ST3GAL4: variants seen among roughly 807,000 people sequenced by gnomAD.
ST3GAL4 encodes ST3 beta-galactoside alpha-2,3-sialyltransferase 4, also known as CMP-N-acetylneuraminate-beta-galactosamide-alpha-2,3-sialyltransferase 4.
A neutral mutation model predicts 42.6 loss-of-function variants in ST3GAL4; 24 were observed. The observed-to-expected ratio is 0.56, with a 90% CI of 0.41 to 0.79. ST3GAL4 has a LOEUF of 0.79. Among genes scored for constraint, ST3GAL4 ranks in the 30% least tolerant of loss-of-function variants. The pLI is 0.00. For missense variants in ST3GAL4, 311 were observed against 430.8 expected (o/e 0.72, Z 2.46); for synonymous variants, 135 against 163.2 (o/e 0.83, Z 1.32).
chr11:126,392,479 C>G lies in ST3GAL4; in HGVS notation c.-60-13617C>G. 1 of 565,528 alleles carries G rather than the reference C, an allele frequency of 1.8e-6. No individual in the cohort carries two copies. The highest frequency in any genetic ancestry group is 2.2e-6 in the Non-Finnish European group (1 of 446,076). The allele number at this position is 565,528 out of a possible 1,614,324, so 35.0% of individuals were successfully genotyped here. A position where few individuals can be genotyped will look rare whatever the true frequency, so the allele number is the denominator to read the frequency against. ...GCATTTGGCAGAAAGTGCGCTGGCTCTGCCAGCTCCCAGTGTGAGCTTCTA... is the reference window on the plus strand; with the variant it reads ...GCATTTGGCAGAAAGTGCGCTGGCTGTGCCAGCTCCCAGTGTGAGCTTCTA... On this transcript the variant is annotated intron_variant, in intron 1 of 10. Coordinates refer to ENST00000444328, the MANE Select transcript of ST3GAL4 (RefSeq NM_001254757.2). This position sits in a 1 kb window ranked among gnomAD's most constrained non-coding sequence, Gnocchi z 5.8.
rs144081365 is a variant in ST3GAL4 at position 126,396,313 on chromosome 11, G to A, written c.-60-9783G>A. Among the ~76,000 whole-genome samples, 2,000 of 152,068 alleles carry A rather than the reference G, an allele frequency of 0.013. 21 individuals are homozygous for A. Among genetic ancestry groups the A allele is most frequent in the Non-Finnish European group, 0.018 (1,216 of 67,958 alleles). On this transcript the variant is annotated intron_variant, in intron 1 of 10. Transcript: ENST00000444328. This position sits in a 1 kb window ranked among gnomAD's most constrained non-coding sequence, Gnocchi z 5.8. Reference sequence around the variant, plus strand: ...CAGGTACAGCCCAGGCCCGCGCTGAGGTTCGGCAGGGAAGCCAGAGGAGTC... The same window carrying A: ...CAGGTACAGCCCAGGCCCGCGCTGAAGTTCGGCAGGGAAGCCAGAGGAGTC...
At chr11:126,407,856 C>T (rs1460230632) in intron 6 of ST3GAL4, among the ~76,000 whole-genome samples, 1 of 152,048 alleles carries the variant, frequency 6.6e-6, no homozygotes, top group Non-Finnish European at 1.5e-5. Context: ...TGATACACCC[C>T]CCCATGCCTT....
intron 9 of ST3GAL4, among the ~76,000 whole-genome samples, chr11:126,412,006 C>G (rs1227076822): frequency 6.6e-6 from 1 of 152,112 alleles, no homozygotes; most frequent in African/African-American, 2.4e-5. Context: ...GTTAGCGTCA[C>G]TGGGGTTCTC....
intron 1 of ST3GAL4, among the ~76,000 whole-genome samples, chr11:126,368,186 A>G (rs1952508234): frequency 1.3e-5 from 2 of 149,610 alleles, no homozygotes; most frequent in Admixed American, 6.7e-5. Context: ...CCTGCAGCAC[A>G]GCCCCAGGGA....
At position 126,413,980 on chromosome 11, in the gene ST3GAL4, C is replaced by T. The variant is rs1346692289; in HGVS notation, c.935C>T (p.Ser312Phe). 8.1e-6 allele frequency: 13 copies of T among 1,614,224 alleles called. No individual in the cohort carries two copies. The highest frequency in any genetic ancestry group is 1.0e-5 in the Non-Finnish European group (12 of 1,180,036). ...CCACAGGGGTCAGGCCATAATGTCT[C>T]CCAAGAGGCCCTGGCCATTAAGCGG... ...KSMAGSGHNV[S>F]QEALAIKRML... Residue 312 changes from serine (S) to phenylalanine (F), a missense_variant, in exon 11 of 11, where the codon TCC becomes TTC. Ser to Phe is a radical substitution (Grantham distance 155). Transcript: ENST00000444328.
chr11:126,401,569 G>A (rs1299489819), intron 1 of ST3GAL4, among the ~76,000 whole-genome samples: 19 of 144,702 alleles, frequency 1.3e-4, no homozygotes, highest in Admixed American at 2.1e-4. Flanking sequence ...AAAAAAAAAA[G>A]AAGAAGAAGA....
At chr11:126,360,357 G>A (rs1456521098) in intron 1 of ST3GAL4, among the ~76,000 whole-genome samples, 1 of 152,278 alleles carries the variant, frequency 6.6e-6, no homozygotes, top group African/African-American at 2.4e-5. Context: ...CACCACACTA[G>A]GCTAATTTTT....
Position 126,406,322 on chromosome 11 carries a change from G to C in ST3GAL4, c.16+151G>C. ...TTGAAGGACAGTGGGTACAATCAGGGTCAAGCCCTCAGCCAGGGCCAGGAG... is the reference window on the plus strand; with the variant it reads ...TTGAAGGACAGTGGGTACAATCAGGCTCAAGCCCTCAGCCAGGGCCAGGAG... On this transcript the variant is annotated intron_variant, in intron 2 of 10. Transcript: ENST00000444328. This position sits in a 1 kb window ranked among gnomAD's most constrained non-coding sequence, Gnocchi z 5.4. 6.5e-7 allele frequency: 1 copy of C among 1,539,774 alleles called. No individual in the cohort carries two copies. The highest frequency in any genetic ancestry group is 8.8e-7 in the Non-Finnish European group (1 of 1,141,830).
chr11:126,407,259 C>T lies in ST3GAL4; in HGVS notation c.190C>T (p.Arg64Trp), dbSNP rs765929837. ...KASKLFGNYS[R>W]DQPIFLRLED... ...GCTTTCACCTCTGTGCAGCTACTCC[C>T]GGGATCAGCCCATCTTCCTGCGGCT... is the stretch of plus-strand genomic sequence containing the variant. The change falls in exon 5 of 11, where the codon CGG becomes TGG. Residue 64 changes from arginine (R) to tryptophan (W), a missense_variant. By Grantham distance (101) the Arg-to-Trp change is moderately radical. Transcript: ENST00000444328. 16 of 1,614,150 alleles carry T rather than the reference C, an allele frequency of 9.9e-6. No homozygotes were observed. The highest frequency in any genetic ancestry group is 3.3e-5 in the South Asian group (3 of 91,086).
rs1329752829 is a variant in ST3GAL4 at position 126,359,510 on chromosome 11, C to A, written c.-61+3668C>A. Among the ~76,000 whole-genome samples the A allele has an allele frequency of 6.6e-6, 1 of 152,186 alleles. No individual in the cohort carries two copies. Among genetic ancestry groups the A allele is most frequent in the Admixed American group, 6.5e-5 (1 of 15,280 alleles). Reference sequence around the variant, plus strand: ...TTTTCAGCCCAGTTCTCAACTGCCCCCTGGAGTTTGCTCATTTTGCCCCAT... The same window carrying A: ...TTTTCAGCCCAGTTCTCAACTGCCCACTGGAGTTTGCTCATTTTGCCCCAT... On this transcript the variant is annotated intron_variant, in intron 1 of 10. Coordinates refer to ENST00000444328, the MANE Select transcript of ST3GAL4 (RefSeq NM_001254757.2). The surrounding 1 kb of genome is among the most constrained non-coding windows in gnomAD (Gnocchi z 4.8).
rs976658973 is a variant in ST3GAL4, at chr11:126,406,397, G to C, written c.17-76G>C. The C allele has an allele frequency of 6.2e-7, 1 of 1,609,560 alleles. No homozygotes were observed. The highest frequency in any genetic ancestry group is 1.3e-5 in the African/African-American group (1 of 74,992). On this transcript the variant is annotated intron_variant, in intron 2 of 10. Coordinates refer to ENST00000444328, the MANE Select transcript of ST3GAL4 (RefSeq NM_001254757.2). This position sits in a 1 kb window ranked among gnomAD's most constrained non-coding sequence, Gnocchi z 5.4. ...GTTAGGGGTCGGAGGGACTCAGAAG[G>C]GGGCAGGTGGGAAGGTGGACGGGGG...
chr11:126,410,849 G>T lies in ST3GAL4; in HGVS notation c.771+1438G>T, dbSNP rs1249264974. On this transcript the variant is annotated intron_variant, in intron 9 of 10. Transcript: ENST00000444328. This position sits in a 1 kb window ranked among gnomAD's most constrained non-coding sequence, Gnocchi z 5.3. The stretch of plus-strand genomic sequence containing the variant: ...AATGCCGTGGAATCTCAGAGGAGGG[G>T]CAGACATCTGCTGAGAGATGTCTGG... Among the ~76,000 whole-genome samples the T allele has an allele frequency of 6.6e-6, 1 of 152,212 alleles. No homozygotes were observed. The highest frequency in any genetic ancestry group is 6.5e-5 in the Admixed American group (1 of 15,288).
chr11:126,359,996 G>A lies in ST3GAL4; in HGVS notation c.-61+4154G>A, dbSNP rs969732919. 8.5e-5 allele frequency among the ~76,000 whole-genome samples: 13 copies of A among 152,220 alleles called. No homozygotes were observed. Among genetic ancestry groups the A allele is most frequent in the Non-Finnish European group, 1.3e-4 (9 of 68,040 alleles). On this transcript the variant is annotated intron_variant, in intron 1 of 10. Transcript: ENST00000444328. This position sits in a 1 kb window ranked among gnomAD's most constrained non-coding sequence, Gnocchi z 4.8. ...CGTCTGGCATCCTGATTCCTGCCAGGCAGAAGCACCTTGGCTGCCTGGCCC... is the reference window on the plus strand; with the variant it reads ...CGTCTGGCATCCTGATTCCTGCCAGACAGAAGCACCTTGGCTGCCTGGCCC...
In ST3GAL4 at chr11:126,356,490, C is replaced by T. The variant is rs3758831; in HGVS notation, c.-61+648C>T. ...GGGGACCTGGCTGGCAGGGACCTCC[C>T]GGCCAGCCCAGAACTGCCAACATGT... On this transcript the variant is annotated intron_variant, in intron 1 of 10. Transcript: ENST00000444328. 0.043 allele frequency among the ~76,000 whole-genome samples: 6,505 copies of T among 152,272 alleles called. 1,002 individuals carry two copies. The East Asian group carries it at 0.57, about 13-fold the overall frequency.
At chr11:126,399,224 C>T (rs1290279580) in intron 1 of ST3GAL4, among the ~76,000 whole-genome samples, 4 of 151,712 alleles carry the variant, frequency 2.6e-5, no homozygotes, top group Middle Eastern at 3.2e-3. Context: ...TTCTCTACTA[C>T]AGGGCCGGTC....
At position 126,373,972 on chromosome 11, in the gene ST3GAL4, G is replaced by T. The variant is rs1270362851; in HGVS notation, c.-61+18130G>T. ...CACCTGCACTGGAGCGATGCTATCC[G>T]ATGAACAGATCCATTTATTAATTCA... On this transcript the variant is annotated intron_variant, in intron 1 of 10. Coordinates refer to ENST00000444328, the MANE Select transcript of ST3GAL4 (RefSeq NM_001254757.2). The surrounding 1 kb of genome is among the most constrained non-coding windows in gnomAD (Gnocchi z 5.5). Among the ~76,000 whole-genome samples, 1 of 152,116 alleles carries T rather than the reference G, an allele frequency of 6.6e-6. No individual in the cohort carries two copies. Among genetic ancestry groups the T allele is most frequent in the Non-Finnish European group, 1.5e-5 (1 of 68,034 alleles).
At position 126,398,618 on chromosome 11, in the gene ST3GAL4, G is replaced by T. The variant is rs1346802192; in HGVS notation, c.-60-7478G>T. Among the ~76,000 whole-genome samples, 1 of 152,242 alleles carries T rather than the reference G, an allele frequency of 6.6e-6. No homozygotes were observed. The highest frequency in any genetic ancestry group is 1.5e-5 in the Non-Finnish European group (1 of 68,036). ...TCAGCAGCTCAGACTCCACAGTTCT[G>T]CTGGGCATTGCCCTACAGGGGCTCC... is the stretch of plus-strand genomic sequence containing the variant. On this transcript the variant is annotated intron_variant, in intron 1 of 10. Coordinates refer to ENST00000444328, the MANE Select transcript of ST3GAL4 (RefSeq NM_001254757.2). This position sits in a 1 kb window ranked among gnomAD's most constrained non-coding sequence, Gnocchi z 4.7.
chr11:126,369,928 T>G (rs1332929533), intron 1 of ST3GAL4, among the ~76,000 whole-genome samples: 1 of 152,250 alleles, frequency 6.6e-6, no homozygotes, highest in Non-Finnish European at 1.5e-5. Flanking sequence ...TACACCTGCC[T>G]TTTACATCTT....
intron 1 of ST3GAL4, among the ~76,000 whole-genome samples, chr11:126,361,109 A>G (rs1475441763): frequency 6.6e-6 from 1 of 151,904 alleles, no homozygotes; most frequent in African/African-American, 2.4e-5. Context: ...CTCCCTAGTA[A>G]CCTTCAGGTC....
Sources: allele counts gnomAD v4.1 joint callset (sites outside exome capture counted in the v4.1 genomes callset), GRCh38; gene constraint gnomAD v4.1.1; non-coding constraint Gnocchi (gnomAD v3.1); transcripts MANE v1.5; gene names NCBI Gene and HGNC (gene_info 2026-07-23, HGNC 2026-07-21).